TMEM232: variants seen among roughly 807,000 people sequenced by gnomAD.
TMEM232 encodes transmembrane protein 232.
Under a neutral mutation model 78.8 loss-of-function variants are expected in TMEM232, and 80 were observed. That is an observed-to-expected ratio of 1.01 (90% CI 0.85 to 1.22). The LOEUF is 1.22. Among genes scored for constraint, TMEM232 ranks in the 50% most tolerant of loss-of-function variants. The probability of loss-of-function intolerance (pLI) is 0.00; values close to 1 mark genes in which losing one functional copy is unlikely to be tolerated. For synonymous variants in TMEM232, 297 were observed against 254.3 expected (o/e 1.17, Z -1.60); for missense variants, 881 against 742.2 (o/e 1.19, Z -2.17).
At chr5:110,628,681 G>T (rs1372434641) in intron 5 of TMEM232, among the ~76,000 whole-genome samples, 1 of 151,678 alleles carries the variant, frequency 6.6e-6, no homozygotes, top group Non-Finnish European at 1.5e-5. Flanking sequence ...GTGTGTGTGT[G>T]TGTGTGTGTG....
At chr5:110,707,488 C>G (rs1160952596) in intron 1 of TMEM232, among the ~76,000 whole-genome samples, 1 of 152,204 alleles carries the variant, frequency 6.6e-6, no homozygotes, top group Non-Finnish European at 1.5e-5. Flanking sequence ...AGGGAATCAC[C>G]CATCCCAGCA....
chr5:110,620,662 CCTCTCT>C (rs747812196), intron 7 of TMEM232, among the ~76,000 whole-genome samples: 6 of 100,386 alleles, frequency 6.0e-5, no homozygotes, highest in African/African-American at 1.6e-4. Flanking sequence ...TCTCTCTCCT[CCTCTCT>C]CTCTCTCTCT....
chr5:110,613,917 T>C (rs552667408), intron 8 of TMEM232, among the ~76,000 whole-genome samples: 16 of 152,218 alleles, frequency 1.1e-4, no homozygotes, highest in African/African-American at 3.8e-4. Flanking sequence ...ATAATGTTAT[T>C]ATTAACAGAA....
At chr5:110,396,186 A>G (rs7719847) in intron 3 of TMEM232, among the ~76,000 whole-genome samples, 42,612 of 151,978 alleles carry the variant, frequency 0.28, 10,620 homozygotes, top group African/African-American at 0.67. Flanking sequence ...AGGGGAAACT[A>G]CTGCTTTTAA....
chr5:110,680,506 G>C (rs974872639), intron 1 of TMEM232, among the ~76,000 whole-genome samples: 1 of 151,706 alleles, frequency 6.6e-6, no homozygotes, highest in Non-Finnish European at 1.5e-5. Flanking sequence ...CAGAGATGTA[G>C]GAAGTAGAAT....
At chr5:110,517,620 T>C (rs1170404635) in intron 12 of TMEM232, among the ~76,000 whole-genome samples, 2 of 152,152 alleles carry the variant, frequency 1.3e-5, no homozygotes, top group Non-Finnish European at 2.9e-5. Context: ...ACATAGACTA[T>C]GTGAATGGTG....
intron 12 of TMEM232, among the ~76,000 whole-genome samples, chr5:110,460,292 A>ACT (rs1561523051): frequency 2.0e-5 from 3 of 149,398 alleles, no homozygotes; most frequent in Non-Finnish European, 4.5e-5. Context: ...TGTATAAGTA[A>ACT]GTGTGTGTGT....
chr5:110,432,081 AT>A (rs1388147698), intron 12 of TMEM232, among the ~76,000 whole-genome samples: 2 of 151,758 alleles, frequency 1.3e-5, no homozygotes, highest in Non-Finnish European at 3.0e-5. Context: ...GACACAAAAT[AT>A]TTTTTTGTAG....
intron 1 of TMEM232, among the ~76,000 whole-genome samples, chr5:110,724,147 CT>C (rs1349255305): frequency 1.3e-5 from 2 of 152,308 alleles, no homozygotes; most frequent in African/African-American, 4.8e-5. Flanking sequence ...ATAATAATAA[CT>C]CTTGCATGGG....
intron 2 of TMEM232, among the ~76,000 whole-genome samples, chr5:110,656,498 G>A (rs1406047866): frequency 6.6e-6 from 1 of 152,052 alleles, no homozygotes; most frequent in East Asian, 1.9e-4. Flanking sequence ...TAAAGATAAA[G>A]ACAATGATAG....
intron 12 of TMEM232, among the ~76,000 whole-genome samples, chr5:110,507,738 G>A (rs1767090420): frequency 6.6e-6 from 1 of 152,156 alleles, no homozygotes. Context: ...GACAGATAGT[G>A]AGCATTATTG....
At chr5:110,493,896 A>G (rs1430138179) in intron 12 of TMEM232, among the ~76,000 whole-genome samples, 1 of 151,828 alleles carries the variant, frequency 6.6e-6, no homozygotes, top group African/African-American at 2.4e-5. Context: ...CCTGTCATCT[A>G]CATTAGGTAT....
rs1402638483 is a variant in TMEM232 at position 110,653,184 on chromosome 5, A to AT, written c.126-10814dup. Among the ~76,000 whole-genome samples the AT allele has an allele frequency of 2.0e-5, 3 of 152,250 alleles. No homozygotes were observed. The East Asian group carries it at 5.8e-4, about 29-fold the overall frequency. On this transcript the variant is annotated intron_variant, in intron 2 of 13. Coordinates refer to ENST00000455884, the MANE Select transcript of TMEM232 (RefSeq NM_001039763.4). ...GTGAGACACTTCACAGTGATGAAAC[A>AT]TAAGGAGATGTTCCTTAAAAAAGAA...
intron 10 of TMEM232, among the ~76,000 whole-genome samples, chr5:110,575,932 C>G (rs373789294): frequency 2.6e-5 from 4 of 151,908 alleles, no homozygotes; most frequent in East Asian, 1.9e-4. Context: ...TTCTGGGCTT[C>G]CTGGCAAAAG....
chr5:110,677,318 A>G (rs929741245), intron 1 of TMEM232, among the ~76,000 whole-genome samples: 3 of 151,754 alleles, frequency 2.0e-5, no homozygotes, highest in Non-Finnish European at 2.9e-5. Flanking sequence ...GTGGTGTGCA[A>G]ATATTTTTTT....
At chr5:110,403,620 T>C (rs555031321) in intron 2 of TMEM232, among the ~76,000 whole-genome samples, 1 of 152,206 alleles carries the variant, frequency 6.6e-6, no homozygotes, top group African/African-American at 2.4e-5. Flanking sequence ...GAATTCTTTA[T>C]GCTGGAGGGA....
In TMEM232 at chr5:110,556,507, C is replaced by A. The variant is rs369876575; in HGVS notation, c.1455+11940G>T. Among the ~76,000 whole-genome samples the A allele has an allele frequency of 1.6e-4, 24 of 152,168 alleles. No individual in the cohort carries two copies. In the South Asian group the frequency reaches 5.0e-3, roughly 32 times the overall value. On this transcript the variant is annotated intron_variant, in intron 11 of 13. Coordinates refer to ENST00000455884, the MANE Select transcript of TMEM232 (RefSeq NM_001039763.4). ...GAATCAAGCAATCCTCCCACCATAG[C>A]CTCCTGAGTAGTTCAGACCACAGGC... is the stretch of plus-strand genomic sequence containing the variant.
intron 12 of TMEM232, among the ~76,000 whole-genome samples, chr5:110,495,254 C>G (rs567478355): frequency 6.6e-6 from 1 of 151,972 alleles, no homozygotes; most frequent in Non-Finnish European, 1.5e-5. Flanking sequence ...CTCCTTTCCT[C>G]TATTCCAGTG....
chr5:110,654,364 A>G (rs545997987), intron 2 of TMEM232, among the ~76,000 whole-genome samples: 64 of 152,196 alleles, frequency 4.2e-4, no homozygotes, highest in Admixed American at 9.2e-4. Flanking sequence ...AGCTTTCTAC[A>G]TATGGCTAGC....
Sources: gnomAD v4.1 joint callset for allele counts (sites outside exome capture counted in the v4.1 genomes callset) on GRCh38, gnomAD v4.1.1 for gene constraint, MANE v1.5 for transcripts, NCBI Gene and HGNC (gene_info 2026-07-23, HGNC 2026-07-21) for gene names.